The following STK32B variants were observed in gnomAD, a reference collection of about 807,000 sequenced individuals.
The protein encoded by STK32B is serine/threonine kinase 32B.
In STK32B, 43 loss-of-function variants were observed where a neutral mutation model predicts 52.6. That is an observed-to-expected ratio of 0.82 (90% CI 0.64 to 1.05). The LOEUF (loss-of-function observed/expected upper bound fraction) is 1.05, where lower values mean the gene tolerates loss of function less well. Ranked by LOEUF, STK32B falls within the 50% of genes least tolerant of loss-of-function variation. The pLI is 0.00. For missense variants in STK32B, 621 were observed against 534.6 expected, an observed-to-expected ratio of 1.16 and a Z score of -1.59; for synonymous variants, 238 against 204.3, an observed-to-expected ratio of 1.17 and a Z score of -1.41.
At chr4:5,315,483 T>C (rs1730609447) in intron 3 of STK32B, among the ~76,000 whole-genome samples, 1 of 150,074 alleles carries the variant, frequency 6.7e-6, no homozygotes, top group African/African-American at 2.5e-5. Context: ...ATGCATAAAC[T>C]CAATATTATC....
intron 3 of STK32B, among the ~76,000 whole-genome samples, chr4:5,246,055 A>G (rs1295955907): frequency 6.6e-6 from 1 of 152,008 alleles, no homozygotes; most frequent in African/African-American, 2.4e-5. Context: ...TGTGTCTTGG[A>G]GTTGCTCTTC....
chr4:5,240,074 G>GTC (rs1177015909), intron 3 of STK32B, among the ~76,000 whole-genome samples: 6 of 126,126 alleles, frequency 4.8e-5, no homozygotes, highest in Non-Finnish European at 8.1e-5. Context: ...CTCTCTCTCT[G>GTC]TCTCTCTCTC....
chr4:5,201,783 C>T (rs1318662047), intron 3 of STK32B, among the ~76,000 whole-genome samples: 2 of 152,154 alleles, frequency 1.3e-5, no homozygotes, highest in Admixed American at 6.5e-5. Context: ...CCTAAGAACT[C>T]ACTCACTGTC....
At chr4:5,350,130 C>T (rs1733731757) in intron 4 of STK32B, among the ~76,000 whole-genome samples, 1 of 151,996 alleles carries the variant, frequency 6.6e-6, no homozygotes, top group South Asian at 2.1e-4. Flanking sequence ...AAGGTCCTGG[C>T]ATAGATACAA....
intron 6 of STK32B, among the ~76,000 whole-genome samples, chr4:5,419,439 T>C (rs1053989256): frequency 6.6e-6 from 1 of 152,226 alleles, no homozygotes; most frequent in Non-Finnish European, 1.5e-5. Context: ...AGACTTTTGA[T>C]GTCCCAGACT....
intron 9 of STK32B, among the ~76,000 whole-genome samples, chr4:5,462,013 G>A (rs1239251556): frequency 6.6e-6 from 1 of 152,194 alleles, no homozygotes; most frequent in East Asian, 1.9e-4. Context: ...AGAGCTCTCT[G>A]CTGTTCTCCC....
At chr4:5,177,179 TCA>T (rs1171484233) in intron 3 of STK32B, among the ~76,000 whole-genome samples, 5 of 152,186 alleles carry the variant, frequency 3.3e-5, no homozygotes, top group Non-Finnish European at 2.9e-5. Flanking sequence ...TTTAATTGAC[TCA>T]CAGTTCTGCG....
intron 2 of STK32B, 177 bp downstream of exon 2, chr4:5,140,137 T>G: frequency 7.1e-7 from 1 of 1,417,354 alleles, no homozygotes; most frequent in Non-Finnish European, 9.7e-7. Flanking sequence ...AATTTTCTTC[T>G]GGAAATTAAA....
chr4:5,205,701 CGCGTGTGTGT>C (rs1722518666), intron 3 of STK32B, among the ~76,000 whole-genome samples: 1 of 74,280 alleles, frequency 1.3e-5, no homozygotes, highest in African/African-American at 3.1e-5. Context: ...CAGGCGCGCG[CGCGTGTGTGT>C]GTGTGTGTGT....
At chr4:5,317,236 T>TATATATATTATATATAAC (rs1731075026) in intron 3 of STK32B, among the ~76,000 whole-genome samples, 4 of 56,616 alleles carry the variant, frequency 7.1e-5, no homozygotes, top group African/African-American at 3.6e-4. Flanking sequence ...ATATATAACA[T>TATATATATTATATATAAC]ATATATATTA....
At chr4:5,139,022 C>T (rs1487898863) in intron 1 of STK32B, among the ~76,000 whole-genome samples, 2 of 152,072 alleles carry the variant, frequency 1.3e-5, no homozygotes, top group African/African-American at 4.8e-5. Context: ...CGGCTCCTCA[C>T]ACATTTTCCT....
At chr4:5,302,667 T>C (rs1304816489) in intron 3 of STK32B, among the ~76,000 whole-genome samples, 1 of 152,106 alleles carries the variant, frequency 6.6e-6, no homozygotes, top group Non-Finnish European at 1.5e-5. Context: ...GATTAAGTTC[T>C]TTAGCAGTGA....
chr4:5,416,798 C>G (rs1577468150), intron 5 of STK32B, 47 bp from the exon 6 acceptor site: 2 of 1,561,602 alleles, frequency 1.3e-6, no homozygotes, highest in Non-Finnish European at 1.8e-6. Context: ...AATAACCCAG[C>G]TGCCTGCAGC....
intron 1 of STK32B, among the ~76,000 whole-genome samples, chr4:5,114,182 C>T (rs1238714355): frequency 6.6e-6 from 1 of 151,852 alleles, no homozygotes; most frequent in Admixed American, 6.6e-5. Flanking sequence ...ACCTGTCACT[C>T]TCCTTCCCAT....
intron 4 of STK32B, 97 bp downstream of exon 4, chr4:5,331,490 C>A (rs1366734843): frequency 1.5e-6 from 2 of 1,372,014 alleles, no homozygotes; most frequent in Admixed American, 2.5e-5. Flanking sequence ...TTGTCCTTGA[C>A]ATGGTTTAAA....
Position 5,068,535 on chromosome 4 carries a change from T to A in STK32B, c.52+16620T>A, listed in dbSNP as rs901905068. 7.9e-5 allele frequency among the ~76,000 whole-genome samples: 12 copies of A among 152,206 alleles called. 1 individual carries two copies. Among genetic ancestry groups the A allele is most frequent in the Non-Finnish European group, 2.9e-5 (2 of 68,040 alleles). On this transcript the variant is annotated intron_variant, in intron 1 of 11. Coordinates refer to ENST00000282908, the MANE Select transcript of STK32B (RefSeq NM_018401.3). ...TTTCCAAGAGGTTAACTAAGTTGTC[T>A]TAGGTGACATAATTGTGGTGCTTGG...
chr4:5,381,998 ATGT>A, intron 4 of STK32B, among the ~76,000 whole-genome samples: 1 of 152,292 alleles, frequency 6.6e-6, no homozygotes, highest in Non-Finnish European at 1.5e-5. Flanking sequence ...GAAAGAGCTG[ATGT>A]TGCAGTTCAA....
At chr4:5,488,185 C>G (rs914482409) in intron 11 of STK32B, among the ~76,000 whole-genome samples, 1 of 152,174 alleles carries the variant, frequency 6.6e-6, no homozygotes, top group Admixed American at 6.5e-5. Context: ...GTAATCCCAG[C>G]TACTCAGGAG....
At chr4:5,338,872 G>A (rs1162115262) in intron 4 of STK32B, among the ~76,000 whole-genome samples, 1 of 152,166 alleles carries the variant, frequency 6.6e-6, no homozygotes, top group Non-Finnish European at 1.5e-5. Flanking sequence ...AATTTGACTG[G>A]GCTAAAGGAT....
Sources: allele counts gnomAD v4.1 joint callset (sites outside exome capture counted in the v4.1 genomes callset), GRCh38; gene constraint gnomAD v4.1.1; transcripts MANE v1.5; gene names NCBI Gene and HGNC (gene_info 2026-07-23, HGNC 2026-07-21).